The following BEAN1 variants were observed in gnomAD, a reference collection of about 807,000 sequenced individuals.
BEAN1 encodes protein BEAN1.
BEAN1 carries 17 observed loss-of-function variants against 17.7 expected under a neutral mutation model. That is an observed-to-expected ratio of 0.96 (90% confidence interval 0.66 to 1.44). The LOEUF is 1.44. Among genes scored for constraint, BEAN1 ranks in the 40% most tolerant of loss-of-function variants. The probability of loss-of-function intolerance (pLI) is 0.00; values close to 1 mark genes in which losing one functional copy is unlikely to be tolerated. For missense variants in BEAN1, 359 were observed against 374.1 expected (o/e 0.96, Z 0.33); for synonymous variants, 142 against 151.8 (o/e 0.94, Z 0.47).
At chr16:66,440,582 C>G (rs1383781048) in intron 2 of BEAN1, among the ~76,000 whole-genome samples, 1 of 152,208 alleles carries the variant, frequency 6.6e-6, no homozygotes, top group Non-Finnish European at 1.5e-5. Flanking sequence ...ATTCTCCCTG[C>G]ACCTGCCCTG....
rs139421355 is a variant in BEAN1, at chr16:66,428,311, C to T, written c.-83+880C>T. On this transcript the variant is annotated intron_variant, in intron 1 of 4. Coordinates refer to ENST00000536005, the MANE Select transcript of BEAN1 (RefSeq NM_001178020.3). Reference sequence around the variant, plus strand: ...GGGTGCCGGCGTGGGTGGCGGGGCGCAGGCTGGGAAAGGGAGGGCGCAAGT... The same window carrying T: ...GGGTGCCGGCGTGGGTGGCGGGGCGTAGGCTGGGAAAGGGAGGGCGCAAGT... The T allele has an allele frequency of 7.0e-3, 1,074 of 152,548 alleles. 3 individuals carry two copies. Among genetic ancestry groups the T allele is most frequent in the Non-Finnish European group, 0.01 (690 of 68,232 alleles). 9.4% of individuals were successfully genotyped at this position (152,548 alleles called of 1,614,324 possible). A position where few individuals can be genotyped will look rare whatever the true frequency, so the allele number is the denominator to read the frequency against.
At chr16:66,458,621 C>T (rs959875237) in intron 2 of BEAN1, among the ~76,000 whole-genome samples, 2 of 138,580 alleles carry the variant, frequency 1.4e-5, no homozygotes, top group African/African-American at 5.2e-5. Flanking sequence ...CTGCTCTGTG[C>T]TACTATTTGA....
intron 4 of BEAN1, among the ~76,000 whole-genome samples, chr16:66,492,483 A>G (rs1964188906): frequency 4.6e-5 from 7 of 152,012 alleles, no homozygotes; most frequent in Admixed American, 4.6e-4. Context: ...TGTGTGGCCC[A>G]GGCTGGAGAG....
chr16:66,460,202 G>A (rs1963030762), intron 2 of BEAN1, among the ~76,000 whole-genome samples: 2 of 152,184 alleles, frequency 1.3e-5, no homozygotes, highest in Non-Finnish European at 1.5e-5. Context: ...GCCAGTTCAG[G>A]AATTGCAAAG....
At chr16:66,492,861 G>A (rs1964193871) in intron 4 of BEAN1, 1 of 613,962 alleles carries the variant, frequency 1.6e-6, no homozygotes, top group African/African-American at 1.8e-5. Flanking sequence ...GGAGCCCCTG[G>A]TGTCCCTCGG....
chr16:66,437,530 C>T, intron 1 of BEAN1, 65 bp from the exon 2 acceptor site: 2 of 957,716 alleles, frequency 2.1e-6, no homozygotes, highest in Non-Finnish European at 1.5e-6. Flanking sequence ...ATGTGAGCGC[C>T]CAGCCTGCAG....
chr16:66,448,076 C>T (rs1962520131), intron 2 of BEAN1, among the ~76,000 whole-genome samples: 1 of 152,202 alleles, frequency 6.6e-6, no homozygotes, highest in Non-Finnish European at 1.5e-5. Flanking sequence ...AGGCAGTGGA[C>T]AGTCAGACCA....
chr16:66,488,628 G>A (rs1257101039), intron 4 of BEAN1, among the ~76,000 whole-genome samples: 1 of 151,872 alleles, frequency 6.6e-6, no homozygotes, highest in Non-Finnish European at 1.5e-5. Context: ...GAGCCCAGGA[G>A]GTCAAGGCTG....
Position 66,480,677 on chromosome 16 carries a change from C to A in BEAN1, c.532C>A (p.Leu178Met). The change falls in exon 5 of 5, where the codon CTG becomes ATG. Residue 178 changes from leucine (L) to methionine (M), a missense_variant. Transcript: ENST00000536005. ...PYSLTDSCPT[L>M]DGTSDSGSGH... ...CTCGCTGACTGATTCCTGCCCCACG[C>A]TGGATGGCACCTCCGACTCAGGCAG... 6.4e-7 allele frequency: 1 copy of A among 1,551,690 alleles called. No homozygotes were observed. The highest frequency in any genetic ancestry group is 8.7e-7 in the Non-Finnish European group (1 of 1,146,972).
rs190608405 is a variant in BEAN1, at chr16:66,473,829, A to G, written c.290-3731A>G. Reference sequence around the variant, plus strand: ...CACTCACAGCCCCCCAGCTCTGGTGACTCAAGCCCTCCTGGCCTCTCTCCC... The same window carrying G: ...CACTCACAGCCCCCCAGCTCTGGTGGCTCAAGCCCTCCTGGCCTCTCTCCC... On this transcript the variant is annotated intron_variant, in intron 3 of 4. Transcript: ENST00000536005. This position sits in a 1 kb window ranked among gnomAD's most constrained non-coding sequence, Gnocchi z 4.5. Among the ~76,000 whole-genome samples, 147 of 152,052 alleles carry G rather than the reference A, an allele frequency of 9.7e-4. 2 individuals carry two copies. In the East Asian group the frequency reaches 0.026, roughly 27 times the overall value.
chr16:66,458,162 T>G (rs543688173), intron 2 of BEAN1, among the ~76,000 whole-genome samples: 2 of 152,352 alleles, frequency 1.3e-5, no homozygotes, highest in Admixed American at 1.3e-4. Flanking sequence ...CTGAAGGTGC[T>G]GAGTCAGCAC....
At chr16:66,460,693 A>C (rs1963049654) in intron 2 of BEAN1, among the ~76,000 whole-genome samples, 1 of 152,330 alleles carries the variant, frequency 6.6e-6, no homozygotes, top group Admixed American at 6.5e-5. Flanking sequence ...AGAAGAAGCA[A>C]AACATCATTT....
downstream of BEAN1, chr16:66,482,834 G>C (rs1174261211): frequency 2.2e-6 from 1 of 453,812 alleles, no homozygotes; most frequent in Non-Finnish European, 4.4e-6. Flanking sequence ...AACACTTTCA[G>C]AGAGTGCATA....
Position 66,480,608 on chromosome 16 carries a change from G to C in BEAN1, c.463G>C (p.Gly155Arg). 6.5e-7 allele frequency: 1 copy of C among 1,544,062 alleles called. No homozygotes were observed. Among genetic ancestry groups the C allele is most frequent in the Non-Finnish European group, 8.8e-7 (1 of 1,141,210 alleles). Residue 155 changes from glycine to arginine, a missense_variant, in exon 5 of 5, where the codon GGG becomes CGG. Gly to Arg is a moderately radical substitution (Grantham distance 125, BLOSUM62 -2). Transcript: ENST00000536005. ...PPGYEECVGP[G>R]ATQLYVPTDA... ...TAGCTACGAGGAGTGTGTGGGGCCA[G>C]GGGCCACTCAGCTGTATGTCCCCAC...
chr16:66,474,618 AAGGGAGGGAGGG>A (rs1195980397), intron 3 of BEAN1, among the ~76,000 whole-genome samples: 12 of 5,810 alleles, frequency 2.1e-3, no homozygotes, highest in East Asian at 7.4e-3. Flanking sequence ...GGGAGGGAGG[AAGGGAGGGAGGG>A]AGGGAGGGAG....
chr16:66,459,777 T>C (rs1963013104), intron 2 of BEAN1, among the ~76,000 whole-genome samples: 1 of 152,200 alleles, frequency 6.6e-6, no homozygotes. Context: ...AAGATTCTCC[T>C]ATAATGGAAT....
At chr16:66,495,061 G>T (rs535410935), downstream of BEAN1, among the ~76,000 whole-genome samples, 5 of 152,224 alleles carry the variant, frequency 3.3e-5, no homozygotes, top group Non-Finnish European at 7.4e-5. Context: ...ACCTGCCTTT[G>T]CTCTCCCTGA....
intron 4 of BEAN1, among the ~76,000 whole-genome samples, chr16:66,479,425 G>T (rs1269555890): frequency 6.6e-6 from 1 of 152,028 alleles, no homozygotes; most frequent in East Asian, 1.9e-4. Context: ...TTGTGGTCAG[G>T]CACCCCCAAG....
At chr16:66,470,170 C>CGATGGATG (rs71376799) in intron 3 of BEAN1, 7,684 of 344,996 alleles carry the variant, frequency 0.022, 139 homozygotes, top group African/African-American at 0.041. Flanking sequence ...TCTGGTGTCT[C>CGATGGATG]GATGGATGGA....
Sources: allele counts gnomAD v4.1 joint callset (sites outside exome capture counted in the v4.1 genomes callset), GRCh38; gene constraint gnomAD v4.1.1; non-coding constraint Gnocchi (gnomAD v3.1); transcripts MANE v1.5; gene names NCBI Gene and HGNC (gene_info 2026-07-23, HGNC 2026-07-21).